Variants in FAT2 observed in about 807,000 individuals in gnomAD.
FAT2 encodes FAT atypical cadherin 2.
FAT2 carries 150 observed loss-of-function variants against 295.3 expected under a neutral mutation model. The ratio of observed to expected loss-of-function variants is 0.51; its 90% CI spans 0.44 to 0.58. The LOEUF (loss-of-function observed/expected upper bound fraction) is 0.58, where lower values mean the gene tolerates loss of function less well. Ranked by LOEUF, FAT2 falls within the 20% of genes least tolerant of loss-of-function variation. FAT2 has a pLI of 0.00. For missense variants in FAT2, 4,868 were observed against 5,442.7 expected, an observed-to-expected ratio of 0.89 and a Z score of 3.32; for synonymous variants, 2,026 against 2,150.3, an observed-to-expected ratio of 0.94 and a Z score of 1.60.
intron 1 of FAT2, among the ~76,000 whole-genome samples, chr5:151,571,383 G>T (rs1171303870): frequency 1.3e-5 from 2 of 152,010 alleles, no homozygotes; most frequent in Non-Finnish European, 2.9e-5. Flanking sequence ...GGTGCACGCA[G>T]CCTCCCAGCC....
chr5:151,550,594 A>G lies in FAT2; in HGVS notation c.4574T>C (p.Val1525Ala), dbSNP rs765496541. 2.5e-6 allele frequency: 4 copies of G among 1,613,954 alleles called. No individual in the cohort carries two copies. In the Admixed American group the frequency reaches 6.7e-5, roughly 27 times the overall value. The stretch of plus-strand genomic sequence containing the variant: ...CAGATTTTTCCATTTACTCACCATG[A>G]CTGTCAGTGTGTGCTGGGAGGGCCC... ...GSGPSQHTLT[V>A]MVRDQEIPIK... is the part of the protein sequence containing the mutation. Residue 1525 changes from valine to alanine, a missense_variant, in exon 8 of 24, where the codon GTC (valine) becomes GCC (alanine). Physicochemically the swap from Val to Ala is moderately conservative, Grantham distance 64 (BLOSUM62 0). This residue lies in a region of FAT2 where 3,297 missense variants were observed against 3,669.4 expected (regional missense o/e 0.90). Transcript: ENST00000261800.
Position 151,555,451 on chromosome 5 carries a change from A to G in FAT2, c.3634-778T>C, listed in dbSNP as rs562602277. On this transcript the variant is annotated intron_variant, in intron 4 of 23. Transcript: ENST00000261800. ...AGTGGCACGATCTCAGCTCACTGCA[A>G]CCTCCGTCTCCCAGGTTCAAGTGCT... Among the ~76,000 whole-genome samples, 21 of 148,514 alleles carry G rather than the reference A, an allele frequency of 1.4e-4. No homozygotes were observed. The South Asian group carries it at 4.5e-3, about 32-fold the overall frequency.
At chr5:151,522,330 AC>A (rs1753557760) in intron 18 of FAT2, among the ~76,000 whole-genome samples, 1 of 152,216 alleles carries the variant, frequency 6.6e-6, no homozygotes, top group African/African-American at 2.4e-5. Context: ...ATGCAGTAAA[AC>A]AATGCAGTTT....
chr5:151,530,410 G>A (rs1324285944), intron 14 of FAT2, among the ~76,000 whole-genome samples: 2 of 152,096 alleles, frequency 1.3e-5, no homozygotes, highest in Admixed American at 6.6e-5. Flanking sequence ...AGGACCTGAG[G>A]GATATGCTAT....
rs745947520 is a variant in FAT2, at chr5:151,545,673, G to A, written c.5454C>T (p.Ser1818=). The A allele has an allele frequency of 1.9e-6, 3 of 1,614,186 alleles. No homozygotes were observed. Among genetic ancestry groups the A allele is most frequent in the Non-Finnish European group, 1.7e-6 (2 of 1,180,038 alleles). ...CTGATACAATGGTTAGGGTTCCCAT[G>A]CTGGGATCAATTTTGAAAAACTTCA... ...EALKFFKIDP[S]MGTLTIVSEM... Residue 1818 remains serine, a synonymous_variant, in exon 10 of 24, where the codon AGC becomes AGT. Transcript: ENST00000261800.
In FAT2 at chr5:151,543,095, G is replaced by T. The variant is rs750273384; in HGVS notation, c.8032C>A (p.Arg2678=). ...ACTTTTTTAGGAACCACCTGAAGTC[G>T]TACTGGCACCAGAGAGTTCCAGTGA... is the stretch of plus-strand genomic sequence containing the variant. ...PPHWNSLVPV[R]LQVVPKKVSL... Residue 2678 remains arginine, a synonymous_variant, in exon 10 of 24, where the codon CGA becomes AGA. Coordinates refer to ENST00000261800, the MANE Select transcript of FAT2 (RefSeq NM_001447.3). 6 of 1,614,170 alleles carry T rather than the reference G, an allele frequency of 3.7e-6. No homozygotes were observed. Among genetic ancestry groups the T allele is most frequent in the South Asian group, 1.1e-5 (1 of 91,080 alleles).
rs770403427 is a variant in FAT2, at chr5:151,521,964, A to T, written c.10629T>A (p.Asp3543Glu). The T allele has an allele frequency of 1.1e-5, 17 of 1,614,032 alleles. No individual in the cohort carries two copies. The highest frequency in any genetic ancestry group is 1.4e-5 in the Non-Finnish European group (17 of 1,180,034). Residue 3543 changes from aspartate to glutamate, a missense_variant, in exon 19 of 24, where the codon GAT (aspartate) becomes GAA (glutamate). By Grantham distance (45) the Asp-to-Glu change is conservative. Around this residue, in one of 5 missense-constraint regions of FAT2, gnomAD observed 1,046 missense variants for 1,210.1 expected, o/e 0.86. Coordinates refer to ENST00000261800, the MANE Select transcript of FAT2 (RefSeq NM_001447.3). ...PLEIFITVGE[D>E]EFQGGMVGKI... ...TACCCACCATGCCACCCTGGAACTC[A>T]TCCTCTCCAACAGTGATGAAGATCT...
At chr5:151,537,985 A>G in intron 11 of FAT2, 39 bp from the exon 12 acceptor site, 1 of 1,590,534 alleles carries the variant, frequency 6.3e-7, no homozygotes, top group South Asian at 1.1e-5. Flanking sequence ...GACTGTGGGG[A>G]CTGCATTCAG....
At chr5:151,574,630 T>C (rs547050250) in intron 1 of FAT2, among the ~76,000 whole-genome samples, 1 of 152,306 alleles carries the variant, frequency 6.6e-6, no homozygotes, top group East Asian at 1.9e-4. Flanking sequence ...GGATGAGTAA[T>C]CTAACATTAG....
At chr5:151,516,716 C>A (rs980043605) in intron 20 of FAT2, among the ~76,000 whole-genome samples, 7 of 152,184 alleles carry the variant, frequency 4.6e-5, no homozygotes, top group Admixed American at 4.6e-4. Context: ...GAGACCCAAG[C>A]ACCTAGGACA....
chr5:151,562,837 G>A, intron 3 of FAT2, among the ~76,000 whole-genome samples: 1 of 152,234 alleles, frequency 6.6e-6, no homozygotes, highest in Non-Finnish European at 1.5e-5. Context: ...TTGGGCAGGT[G>A]CTCCTGAGAT....
chr5:151,569,091 G>C, intron 1 of FAT2, 140 bp from the exon 2 acceptor site: 1 of 798,404 alleles, frequency 1.3e-6, no homozygotes, highest in East Asian at 2.7e-5. Context: ...CCCAGCTTGG[G>C]AGTGGTGGTG....
rs754287631 is a variant in FAT2, at chr5:151,545,761, G to A, written c.5366C>T (p.Ala1789Val). Residue 1789 changes from alanine (A) to valine (V), a missense_variant, in exon 10 of 24, where the codon GCC becomes GTC. Transcript: ENST00000261800. Reference protein sequence around the residue: ...DKNNNPFVIHASDSDKEANSL... With the variant: ...DKNNNPFVIHVSDSDKEANSL... Reference sequence around the variant, plus strand: ...ATTAGCTTCTTTGTCACTGTCAGAGGCATGAATCACAAAGGGGTTGTTGTT... The same window carrying A: ...ATTAGCTTCTTTGTCACTGTCAGAGACATGAATCACAAAGGGGTTGTTGTT... The A allele has an allele frequency of 1.4e-5, 23 of 1,613,960 alleles. No individual in the cohort carries two copies. Among genetic ancestry groups the A allele is most frequent in the Non-Finnish European group, 1.8e-5 (21 of 1,180,012 alleles).
At chr5:151,561,644 G>A (rs1758020901) in intron 3 of FAT2, among the ~76,000 whole-genome samples, 2 of 152,312 alleles carry the variant, frequency 1.3e-5, no homozygotes, top group Middle Eastern at 3.4e-3. Flanking sequence ...TCCTACCTCG[G>A]CCTCCCCAAG....
chr5:151,550,327 GGA>G (rs2127621139), intron 8 of FAT2, among the ~76,000 whole-genome samples: 1 of 152,264 alleles, frequency 6.6e-6, no homozygotes, highest in Admixed American at 6.5e-5. Flanking sequence ...CACTGAGCAG[GGA>G]GAGAGCTCTT....
In FAT2 at chr5:151,531,652, TCTG is replaced by T. The variant is rs774697509; in HGVS notation, c.9743_9745del (p.Ala3248del). The stretch of plus-strand genomic sequence containing the variant: ...GCTGACCACGCGGTAGCCGGTCTTC[TCTG>T]CGCCCGGGCGAGTGAGGGTGGCCAG... On this transcript the variant is annotated inframe_deletion, in exon 14 of 24. Coordinates refer to ENST00000261800, the MANE Select transcript of FAT2 (RefSeq NM_001447.3). The surrounding 1 kb of genome is among the most constrained non-coding windows in gnomAD (Gnocchi z 5.7). 2 of 1,613,594 alleles carry T rather than the reference TCTG, an allele frequency of 1.2e-6. No homozygotes were observed. The highest frequency in any genetic ancestry group is 3.3e-5 in the Admixed American group (2 of 59,982).
Position 151,545,304 on chromosome 5 carries a change from G to T in FAT2, c.5823C>A (p.Ile1941=). ...AFLGLSRKLT[I]RASDGLYQDT... ...CTTGATACAAGCCATCAGAAGCCCT[G>T]ATGGTGAGCTTCCGAGAGAGTCCCA... The change falls in exon 10 of 24, where the codon ATC becomes ATA. Residue 1941 remains isoleucine (I), a synonymous_variant. Coordinates refer to ENST00000261800, the MANE Select transcript of FAT2 (RefSeq NM_001447.3). The T allele has an allele frequency of 6.2e-7, 1 of 1,614,158 alleles. No homozygotes were observed. The highest frequency in any genetic ancestry group is 8.5e-7 in the Non-Finnish European group (1 of 1,180,018).
chr5:151,565,647 A>AGC, intron 2 of FAT2, 26 bp downstream of exon 2: 88 of 1,460,942 alleles, frequency 6.0e-5, no homozygotes, highest in East Asian at 9.7e-5. Context: ...TGGCCCTGGC[A>AGC]CCCCACCCTA....
chr5:151,518,928 G>A (rs1753161254), intron 19 of FAT2, among the ~76,000 whole-genome samples: 2 of 152,196 alleles, frequency 1.3e-5, no homozygotes, highest in African/African-American at 4.8e-5. Flanking sequence ...AGTTGTCAGG[G>A]GAGAGGATGA....
Sources: gnomAD v4.1 joint callset for allele counts (sites outside exome capture counted in the v4.1 genomes callset) on GRCh38, gnomAD v4.1.1 for gene constraint, gnomAD v4.1.1 regional missense constraint, Gnocchi (gnomAD v3.1) non-coding constraint, MANE v1.5 for transcripts, NCBI Gene and HGNC (gene_info 2026-07-23, HGNC 2026-07-21) for gene names.